The following MFSD11 variants were observed in gnomAD, a reference collection of about 807,000 sequenced individuals.
MFSD11 encodes the protein major facilitator superfamily domain containing 11.
A neutral mutation model predicts 53.5 loss-of-function variants in MFSD11; 36 were observed. That is an observed-to-expected ratio of 0.67 (90% confidence interval 0.52 to 0.89). The LOEUF (loss-of-function observed/expected upper bound fraction) is 0.89, where lower values mean the gene tolerates loss of function less well. Ranked by LOEUF, MFSD11 falls within the 40% of genes least tolerant of loss-of-function variation. The pLI is 0.00. For missense variants in MFSD11, 530 were observed against 543.9 expected (o/e 0.97, Z 0.25); for synonymous variants, 186 against 184.9 (o/e 1.01, Z -0.05).
intron 7 of MFSD11, 137 bp downstream of exon 7, chr17:76,744,603 T>G: frequency 1.3e-6 from 1 of 756,666 alleles, no homozygotes; most frequent in Non-Finnish European, 2.0e-6. Flanking sequence ...AGGAAGAAAA[T>G]AAAGGAGGAG....
intron 8 of MFSD11, among the ~76,000 whole-genome samples, chr17:76,760,143 C>T (rs1156843121): frequency 2.0e-5 from 3 of 151,360 alleles, no homozygotes; most frequent in African/African-American, 7.3e-5. Flanking sequence ...TGGCTGGCGC[C>T]TATAATCCCA....
At chr17:76,797,309 TAA>T in the MFSD11 span, among the ~76,000 whole-genome samples, 4 of 152,194 alleles carry the variant, frequency 2.6e-5, no homozygotes, top group African/African-American at 9.7e-5. Context: ...ATGGATTTTT[TAA>T]GAGTTTTCTG....
intron 8 of MFSD11, among the ~76,000 whole-genome samples, chr17:76,762,014 A>C (rs1336121366): frequency 6.6e-6 from 1 of 152,126 alleles, no homozygotes; most frequent in African/African-American, 2.4e-5. Context: ...TTATATTCAG[A>C]GTCGTGTAAC....
chr17:76,752,349 A>C (rs951635485), intron 7 of MFSD11, among the ~76,000 whole-genome samples: 1 of 151,750 alleles, frequency 6.6e-6, no homozygotes, highest in Non-Finnish European at 1.5e-5. Context: ...GATTTCAAGC[A>C]CTCAGTAGTG....
In MFSD11 at chr17:76,740,127, TTG is replaced by T. The variant is rs577623431; in HGVS notation, c.153-827_153-826del. ...AAGGGGAGCTTGCAGTGAGCAGAGA[TTG>T]TGCCACTGGACTCCAGCCTGGGCGA... is the stretch of plus-strand genomic sequence containing the variant. On this transcript the variant is annotated intron_variant, in intron 2 of 12. Coordinates refer to ENST00000685175, the MANE Select transcript of MFSD11 (RefSeq NM_001242532.5). Among the ~76,000 whole-genome samples the T allele has an allele frequency of 5.4e-3, 779 of 144,268 alleles. 9 individuals carry two copies. The highest frequency in any genetic ancestry group is 0.019 in the African/African-American group (745 of 38,754). 94.6% of individuals were successfully genotyped at this position (144,268 alleles called of 152,430 possible).
downstream of MFSD11, among the ~76,000 whole-genome samples, chr17:76,786,005 G>A (rs2082269200): frequency 6.8e-6 from 1 of 146,508 alleles, no homozygotes; most frequent in South Asian, 2.2e-4. Flanking sequence ...AACCAGGAAG[G>A]CAGAGGTTGC....
rs201453354 is a variant in MFSD11 at position 76,778,306 on chromosome 17, A to G, written c.1304A>G (p.Glu435Gly). Residue 435 changes from glutamate to glycine, a missense_variant, in exon 13 of 13, where the codon GAA (glutamate) becomes GGA (glycine). Coordinates refer to ENST00000685175, the MANE Select transcript of MFSD11 (RefSeq NM_001242532.5). ...GTISFFTVEWEAAAFVARGSD... is the reference protein window; with the variant it reads ...GTISFFTVEWGAAAFVARGSD... ...ATTTCTTTCTTCACTGTGGAATGGG[A>G]AGCTGCCGCCTTTGTAGCCCGCGGC... 3.1e-6 allele frequency: 5 copies of G among 1,614,158 alleles called. No individual in the cohort carries two copies. The East Asian group carries it at 1.1e-4, about 36-fold the overall frequency.
chr17:76,770,407 G>A (rs530885605), intron 10 of MFSD11, among the ~76,000 whole-genome samples: 56 of 152,240 alleles, frequency 3.7e-4, no homozygotes, highest in African/African-American at 1.1e-3. Flanking sequence ...GAAACCCTGT[G>A]TAAGAAAACA....
chr17:76,784,949 T>A (rs140559371), downstream of MFSD11, among the ~76,000 whole-genome samples: 22 of 152,290 alleles, frequency 1.4e-4, no homozygotes, highest in African/African-American at 5.3e-4. Context: ...AAAAATAGAA[T>A]TACATATGAT....
At position 76,743,411 on chromosome 17, in the gene MFSD11, A is replaced by G; in HGVS notation, c.451A>G (p.Asn151Asp). Residue 151 changes from asparagine (N) to aspartate (D), a missense_variant, in exon 6 of 13, where the codon AAT becomes GAT. By Grantham distance (23) the Asn-to-Asp change is conservative. Transcript: ENST00000685175. ...ALLQSSLFFG[N>D]LYIYFAWQGK... The stretch of plus-strand genomic sequence containing the variant: ...TTCTTCCCCCAGCTTGTTCTTTGGA[A>G]ATCTCTACATATATTTTGCCTGGCA... 6.3e-7 allele frequency: 1 copy of G among 1,582,622 alleles called. No individual in the cohort carries two copies. Among genetic ancestry groups the G allele is most frequent in the South Asian group, 1.2e-5 (1 of 83,516 alleles).
chr17:76,780,733 C>A (rs1399869007), downstream of MFSD11, among the ~76,000 whole-genome samples: 1 of 152,068 alleles, frequency 6.6e-6, no homozygotes, highest in African/African-American at 2.4e-5. Flanking sequence ...TCAGGCTGGT[C>A]TCGAACTCTT....
chr17:76,786,385 G>T (rs2082274257), downstream of MFSD11, among the ~76,000 whole-genome samples: 1 of 151,976 alleles, frequency 6.6e-6, no homozygotes, highest in African/African-American at 2.4e-5. Context: ...CAAGTGATCT[G>T]CCCGCCTCGG....
At chr17:76,789,142 AAAAAAAT>A in the MFSD11 span, among the ~76,000 whole-genome samples, 21 of 150,054 alleles carry the variant, frequency 1.4e-4, 1 homozygote, top group Admixed American at 8.0e-4. Flanking sequence ...ACTTCATCTC[AAAAAAAT>A]AAAAAATAAA....
At chr17:76,783,152 CAA>C (rs753696509), downstream of MFSD11, among the ~76,000 whole-genome samples, 39 of 109,326 alleles carry the variant, frequency 3.6e-4, no homozygotes, top group East Asian at 8.0e-4. Context: ...ACTCCAGCTC[CAA>C]AAAAAAAAAA....
At chr17:76,757,344 A>G (rs2079754567) in intron 8 of MFSD11, among the ~76,000 whole-genome samples, 1 of 152,202 alleles carries the variant, frequency 6.6e-6, no homozygotes, top group Non-Finnish European at 1.5e-5. Context: ...TATGGCACGT[A>G]GGGTGCTGCA....
intron 8 of MFSD11, among the ~76,000 whole-genome samples, chr17:76,763,770 T>G (rs2080520197): frequency 6.6e-6 from 1 of 151,962 alleles, no homozygotes; most frequent in African/African-American, 2.4e-5. Flanking sequence ...TAGTATCTTT[T>G]GAAGCACAAA....
At chr17:76,779,487 T>A (rs1248814859), downstream of MFSD11, among the ~76,000 whole-genome samples, 2 of 151,784 alleles carry the variant, frequency 1.3e-5, no homozygotes, top group East Asian at 3.9e-4. Context: ...TTATTTATTA[T>A]TTATTTATTT....
rs1293817358 is a variant in MFSD11, at chr17:76,747,055, G to A, written c.641+2589G>A. Among the ~76,000 whole-genome samples, 6 of 151,916 alleles carry A rather than the reference G, an allele frequency of 3.9e-5. No individual in the cohort carries two copies. In the South Asian group the frequency reaches 6.2e-4, roughly 16 times the overall value. On this transcript the variant is annotated intron_variant, in intron 7 of 12. Coordinates refer to ENST00000685175, the MANE Select transcript of MFSD11 (RefSeq NM_001242532.5). Reference sequence around the variant, plus strand: ...CTCCTCAGTAACTGGCATTACAGGCGTGCACCACCATGCCTGGCTAATTTC... The same window carrying A: ...CTCCTCAGTAACTGGCATTACAGGCATGCACCACCATGCCTGGCTAATTTC...
chr17:76,774,383 C>A (rs907732712), intron 10 of MFSD11, among the ~76,000 whole-genome samples: 3 of 152,210 alleles, frequency 2.0e-5, no homozygotes, highest in Non-Finnish European at 4.4e-5. Flanking sequence ...GACCCTGCAC[C>A]CAGCCATCCT....
Sources: gnomAD v4.1 joint callset for allele counts (sites outside exome capture counted in the v4.1 genomes callset) on GRCh38, gnomAD v4.1.1 for gene constraint, MANE v1.5 for transcripts, NCBI Gene and HGNC (gene_info 2026-07-23, HGNC 2026-07-21) for gene names.